ESR1: variants seen among roughly 807,000 people sequenced by gnomAD.
ESR1 encodes estrogen receptor.
ESR1 carries 12 observed loss-of-function variants against 52.7 expected under a neutral mutation model. The ratio of observed to expected loss-of-function variants is 0.23; its 90% CI spans 0.15 to 0.37. ESR1 has a LOEUF of 0.37. Among genes scored for constraint, ESR1 ranks in the 10% least tolerant of loss-of-function variants. The pLI is 1.00. For synonymous variants in ESR1, 305 were observed against 316.8 expected, an observed-to-expected ratio of 0.96 and a Z score of 0.39; for missense variants, 584 against 779.7, an observed-to-expected ratio of 0.75 and a Z score of 2.99.
At chr6:152,103,835 T>C (rs2051026927), downstream of ESR1, among the ~76,000 whole-genome samples, 1 of 152,174 alleles carries the variant, frequency 6.6e-6, no homozygotes, top group Non-Finnish European at 1.5e-5. Context: ...CCCTTCCCTT[T>C]TTGGAGCTAC....
intron 4 of ESR1, among the ~76,000 whole-genome samples, chr6:151,972,954 A>G (rs1345958608): frequency 6.6e-6 from 1 of 152,238 alleles, no homozygotes; most frequent in African/African-American, 2.4e-5. Flanking sequence ...GATGTAGGCC[A>G]GAAGACTAAA....
chr6:151,962,972 C>T (rs969147430), intron 4 of ESR1, among the ~76,000 whole-genome samples: 4 of 152,128 alleles, frequency 2.6e-5, no homozygotes, highest in African/African-American at 4.8e-5. Context: ...GATTTGAGTT[C>T]GCTGTTACAG....
In ESR1 at chr6:151,959,108, G is replaced by C. The variant is rs1365932851; in HGVS notation, c.1096+14600G>C. 2.6e-5 allele frequency among the ~76,000 whole-genome samples: 4 copies of C among 152,188 alleles called. No homozygotes were observed. In the East Asian group the frequency reaches 7.7e-4, roughly 29 times the overall value. On this transcript the variant is annotated intron_variant, in intron 4 of 7. Coordinates refer to ENST00000206249, the MANE Select transcript of ESR1 (RefSeq NM_000125.4). ...AAGCCAGGATGGGCATCTCTGACGA[G>C]CTCCAGAACTCTCCACCTAAGTGTG...
chr6:152,048,318 G>A (rs1403685303), intron 5 of ESR1, among the ~76,000 whole-genome samples: 2 of 139,230 alleles, frequency 1.4e-5, no homozygotes, highest in South Asian at 2.3e-4. Context: ...GAGCTGGATC[G>A]CACCTCTGCA....
intron 3 of ESR1, among the ~76,000 whole-genome samples, chr6:151,894,327 CCTT>C (rs1428734910): frequency 1.3e-5 from 2 of 151,638 alleles, no homozygotes; most frequent in Admixed American, 1.3e-4. Flanking sequence ...GATTATGTCT[CCTT>C]CTCTGTGGGT....
chr6:151,713,903 G>C (rs1780820799), intron 2 of ESR1, among the ~76,000 whole-genome samples: 1 of 151,868 alleles, frequency 6.6e-6, no homozygotes, highest in African/African-American at 2.4e-5. Flanking sequence ...GTTTGCTCTT[G>C]CTTCTCTAGT....
At chr6:151,907,083 T>C (rs548842927) in intron 3 of ESR1, among the ~76,000 whole-genome samples, 1 of 152,176 alleles carries the variant, frequency 6.6e-6, no homozygotes, top group African/African-American at 2.4e-5. Context: ...GATTCTGAGC[T>C]CTCTTCACTA....
chr6:151,779,356 T>C (rs1786309974), intron 2 of ESR1, among the ~76,000 whole-genome samples: 2 of 152,094 alleles, frequency 1.3e-5, no homozygotes, highest in African/African-American at 4.8e-5. Flanking sequence ...GGGAATCCTT[T>C]CCCCATAAGG....
chr6:152,053,770 C>T lies in ESR1; in HGVS notation c.1236-7221C>T, dbSNP rs1005645521. 5.9e-5 allele frequency among the ~76,000 whole-genome samples: 9 copies of T among 151,986 alleles called. No homozygotes were observed. In the South Asian group the frequency reaches 1.2e-3, roughly 21 times the overall value. ...GGATATTTTATGCTTTCATGGAGGC[C>T]GTGTAAATTGGTATAACCTTTTTGG... On this transcript the variant is annotated intron_variant, in intron 5 of 7. Coordinates refer to ENST00000206249, the MANE Select transcript of ESR1 (RefSeq NM_000125.4). This position sits in a 1 kb window ranked among gnomAD's most constrained non-coding sequence, Gnocchi z 4.1.
intron 1 of ESR1, among the ~76,000 whole-genome samples, chr6:151,683,262 G>A (rs1288137246): frequency 6.6e-6 from 1 of 152,136 alleles, no homozygotes; most frequent in East Asian, 1.9e-4. Flanking sequence ...GTAGAGGGAG[G>A]TTTACAAGCC....
At chr6:151,660,964 A>G (rs1293661824) in intron 1 of ESR1, among the ~76,000 whole-genome samples, 1 of 152,204 alleles carries the variant, frequency 6.6e-6, no homozygotes, top group African/African-American at 2.4e-5. Context: ...CGGCTCAGGC[A>G]TCAGTATTTG....
At chr6:151,862,267 T>C (rs919488822) in intron 2 of ESR1, among the ~76,000 whole-genome samples, 4 of 152,120 alleles carry the variant, frequency 2.6e-5, no homozygotes, top group Non-Finnish European at 5.9e-5. Context: ...CTCTTAACCA[T>C]TGTGTTCTGT....
At chr6:151,850,123 T>TTATTTTATATGC in intron 2 of ESR1, among the ~76,000 whole-genome samples, 1 of 143,882 alleles carries the variant, frequency 7.0e-6, no homozygotes, top group East Asian at 2.0e-4. Context: ...ATTATATATA[T>TTATTTTATATGC]ATGTCTGGTA....
intron 1 of ESR1, among the ~76,000 whole-genome samples, chr6:151,817,477 T>C (rs1196775383): frequency 6.6e-6 from 1 of 152,184 alleles, no homozygotes; most frequent in Non-Finnish European, 1.5e-5. Context: ...CTGCTAGATT[T>C]CCAAGTCTTC....
At chr6:151,931,915 G>A (rs1233514746) in intron 3 of ESR1, among the ~76,000 whole-genome samples, 507 of 144,494 alleles carry the variant, frequency 3.5e-3, no homozygotes, top group African/African-American at 0.013. Context: ...ATAAACATAC[G>A]TGTGCATGTG....
intron 1 of ESR1, among the ~76,000 whole-genome samples, chr6:151,667,262 TG>T (rs71556228): frequency 2.3e-3 from 350 of 152,350 alleles, no homozygotes; most frequent in Non-Finnish European, 4.2e-3. Flanking sequence ...TATTAAAAAT[TG>T]TTTTTTATTA....
chr6:151,669,813 A>C (rs1347779770), intron 1 of ESR1, among the ~76,000 whole-genome samples: 1 of 152,168 alleles, frequency 6.6e-6, no homozygotes, highest in African/African-American at 2.4e-5. Flanking sequence ...TGAGACGTGG[A>C]GTGAGTAGCA....
At chr6:151,901,918 G>T (rs1562529813) in intron 3 of ESR1, among the ~76,000 whole-genome samples, 1 of 152,204 alleles carries the variant, frequency 6.6e-6, no homozygotes, top group African/African-American at 2.4e-5. Context: ...ACACTGCTCT[G>T]TTCATCCAAG....
chr6:151,712,679 A>C (rs1004521669), intron 2 of ESR1, among the ~76,000 whole-genome samples: 2 of 152,200 alleles, frequency 1.3e-5, no homozygotes, highest in African/African-American at 4.8e-5. Context: ...ATTTTTGCAC[A>C]TTGATTTTGT....
Sources: allele counts gnomAD v4.1 joint callset (sites outside exome capture counted in the v4.1 genomes callset), GRCh38; gene constraint gnomAD v4.1.1; non-coding constraint Gnocchi (gnomAD v3.1); transcripts MANE v1.5; gene names NCBI Gene and HGNC (gene_info 2026-07-23, HGNC 2026-07-21).